Variants in CRACD observed in about 807,000 individuals in gnomAD.
CRACD encodes capping protein inhibiting regulator of actin dynamics, also known as capping protein-inhibiting regulator of actin dynamics.
CRACD carries 56 observed loss-of-function variants against 106.8 expected under a neutral mutation model. That is an observed-to-expected ratio of 0.52 (90% CI 0.42 to 0.66). CRACD has a LOEUF of 0.66. CRACD is among the 30% of genes least tolerant of loss of function. The pLI is 0.00. For missense variants in CRACD, 1,730 were observed against 1,623.2 expected, an observed-to-expected ratio of 1.07 and a Z score of -1.13; for synonymous variants, 754 against 670.8, an observed-to-expected ratio of 1.12 and a Z score of -1.92.
chr4:56,234,482 G>A (rs1271484663), intron 2 of CRACD, among the ~76,000 whole-genome samples: 1 of 152,140 alleles, frequency 6.6e-6, no homozygotes, highest in African/African-American at 2.4e-5. Context: ...ATCAGTTGAT[G>A]GATATGTATT....
At chr4:56,235,922 T>G (rs1318082747) in intron 2 of CRACD, among the ~76,000 whole-genome samples, 1 of 152,184 alleles carries the variant, frequency 6.6e-6, no homozygotes, top group Non-Finnish European at 1.5e-5. Context: ...GTTTACCTAC[T>G]GTGGGTGTGC....
chr4:56,213,908 C>G (rs1738531313), intron 2 of CRACD, among the ~76,000 whole-genome samples: 1 of 152,156 alleles, frequency 6.6e-6, no homozygotes, highest in African/African-American at 2.4e-5. Flanking sequence ...GAATGACCAA[C>G]TGAAATACGT....
At position 56,316,464 on chromosome 4, in the gene CRACD, C is replaced by T. The variant is rs528399245; in HGVS notation, c.2962C>T (p.Leu988=). The stretch of plus-strand genomic sequence containing the variant: ...ACTGAGCAGGCCCTACTTGGTAGAG[C>T]TGCTGTCTCGCCGAGCGGGGAGGCC... ...SKLSRPYLVE[L]LSRRAGRPDP... is the part of the protein sequence containing the mutation. The change falls in exon 8 of 11, where the codon CTG becomes TTG. Residue 988 remains leucine, a synonymous_variant. Transcript: ENST00000682029. 7 of 1,614,022 alleles carry T rather than the reference C, an allele frequency of 4.3e-6. No homozygotes were observed. The East Asian group carries it at 1.6e-4, about 36-fold the overall frequency.
chr4:56,068,864 G>A (rs1732545839), intron 1 of CRACD, among the ~76,000 whole-genome samples: 1 of 152,030 alleles, frequency 6.6e-6, no homozygotes, highest in Non-Finnish European at 1.5e-5. Flanking sequence ...ATGTCCACTT[G>A]GAACTTTAGA....
chr4:56,109,101 T>C (rs561853689), intron 1 of CRACD, among the ~76,000 whole-genome samples: 69 of 152,230 alleles, frequency 4.5e-4, no homozygotes, highest in African/African-American at 1.6e-3. Context: ...CATTACCGCT[T>C]GACCAAGGAG....
intron 1 of CRACD, among the ~76,000 whole-genome samples, chr4:56,086,099 G>A (rs757064031): frequency 7.9e-5 from 12 of 152,238 alleles, no homozygotes; most frequent in South Asian, 4.2e-4. Flanking sequence ...AGATGGAGAC[G>A]TGACCTTTCA....
At chr4:56,113,822 C>T (rs1012560700) in intron 1 of CRACD, among the ~76,000 whole-genome samples, 16 of 152,012 alleles carry the variant, frequency 1.1e-4, no homozygotes, top group African/African-American at 2.7e-4. Context: ...TTAGAATTCG[C>T]ACAAAAAGAA....
At chr4:56,150,499 C>T (rs1735543759) in intron 1 of CRACD, among the ~76,000 whole-genome samples, 2 of 152,110 alleles carry the variant, frequency 1.3e-5, no homozygotes, top group Non-Finnish European at 2.9e-5. Context: ...AGAAATGAAA[C>T]ATTGCCAGCA....
intron 1 of CRACD, among the ~76,000 whole-genome samples, chr4:56,102,892 G>A (rs1208005869): frequency 4.6e-5 from 7 of 152,144 alleles, no homozygotes; most frequent in Admixed American, 4.6e-4. Flanking sequence ...TGAGTGCTCA[G>A]CTCCAGCTGT....
intron 3 of CRACD, among the ~76,000 whole-genome samples, chr4:56,286,629 T>A (rs1041276395): frequency 2.0e-5 from 3 of 149,176 alleles, no homozygotes; most frequent in African/African-American, 4.9e-5. Context: ...TATATTGCAA[T>A]AGAGTGGAGG....
rs200460060 is a variant in CRACD at position 56,096,520 on chromosome 4, C to A, written c.-336+47221C>A. The stretch of plus-strand genomic sequence containing the variant: ...TTGAGCCCAGGAGTTCAAGACCAGC[C>A]TGGATGACATGGTGAAACCCCATCT... On this transcript the variant is annotated intron_variant, in intron 1 of 10. Transcript: ENST00000682029. Among the ~76,000 whole-genome samples, 5 of 152,126 alleles carry A rather than the reference C, an allele frequency of 3.3e-5. No homozygotes were observed. The East Asian group carries it at 7.7e-4, about 24-fold the overall frequency.
intron 3 of CRACD, among the ~76,000 whole-genome samples, chr4:56,294,226 A>AC (rs1222124274): frequency 6.6e-6 from 1 of 151,902 alleles, no homozygotes; most frequent in Non-Finnish European, 1.5e-5. Context: ...CTGTCTTAAA[A>AC]AAAAAAAAAA....
intron 1 of CRACD, among the ~76,000 whole-genome samples, chr4:56,051,475 A>G (rs1731872113): frequency 1.3e-5 from 2 of 152,126 alleles, no homozygotes. Context: ...CACTTGTTGT[A>G]TGTGCATATA....
chr4:56,077,909 G>A (rs1732897358), intron 1 of CRACD, among the ~76,000 whole-genome samples: 1 of 152,128 alleles, frequency 6.6e-6, no homozygotes, highest in Non-Finnish European at 1.5e-5. Flanking sequence ...GGTATTTGGG[G>A]AAGGCATCAT....
chr4:56,084,053 G>A (rs1365497074), intron 1 of CRACD, among the ~76,000 whole-genome samples: 3 of 152,194 alleles, frequency 2.0e-5, no homozygotes, highest in Non-Finnish European at 4.4e-5. Context: ...GGTATGAGGA[G>A]CAAGGTTTTA....
At chr4:56,270,998 G>A (rs555276209) in intron 2 of CRACD, among the ~76,000 whole-genome samples, 2 of 151,884 alleles carry the variant, frequency 1.3e-5, no homozygotes, top group African/African-American at 2.4e-5. Context: ...CCAGCTACTC[G>A]GGAGGCTGAG....
chr4:56,057,542 CA>C (rs1367829338), intron 1 of CRACD, among the ~76,000 whole-genome samples: 3 of 151,560 alleles, frequency 2.0e-5, no homozygotes, highest in African/African-American at 7.3e-5. Context: ...ACAGTTGTGA[CA>C]GGGGTAAATA....
chr4:56,232,102 G>C (rs549288950), intron 2 of CRACD, among the ~76,000 whole-genome samples: 16 of 152,230 alleles, frequency 1.1e-4, no homozygotes, highest in African/African-American at 3.9e-4. Flanking sequence ...CCGCCTTCCT[G>C]CTCCTTATCG....
At chr4:56,150,860 G>T (rs1232304404) in intron 1 of CRACD, among the ~76,000 whole-genome samples, 1 of 152,194 alleles carries the variant, frequency 6.6e-6, no homozygotes, top group Admixed American at 6.6e-5. Context: ...ATATTCAAGA[G>T]ATTCTCCAGG....
Sources: allele counts gnomAD v4.1 joint callset (sites outside exome capture counted in the v4.1 genomes callset), GRCh38; gene constraint gnomAD v4.1.1; transcripts MANE v1.5; gene names NCBI Gene and HGNC (gene_info 2026-07-23, HGNC 2026-07-21).